Variants in DOK5 observed in about 807,000 individuals in gnomAD.
DOK5 encodes the protein downstream of tyrosine kinase 5.
Under a neutral mutation model 43.3 loss-of-function variants are expected in DOK5, and 27 were observed. That is an observed-to-expected ratio of 0.62 (90% CI 0.46 to 0.86). DOK5 has a LOEUF of 0.86. DOK5 is among the 40% of genes least tolerant of loss of function. The pLI is 0.00. For missense variants in DOK5, 373 were observed against 392.9 expected (o/e 0.95, Z 0.43); for synonymous variants, 146 against 140.1 (o/e 1.04, Z -0.30).
intron 6 of DOK5, among the ~76,000 whole-genome samples, chr20:54,639,078 A>G (rs1318527594): frequency 6.6e-6 from 1 of 152,168 alleles, no homozygotes; most frequent in African/African-American, 2.4e-5. Context: ...AATTTTTTCT[A>G]AGAAAGGGAA....
intron 2 of DOK5, among the ~76,000 whole-genome samples, chr20:54,587,062 T>A (rs973001614): frequency 2.0e-5 from 3 of 151,790 alleles, no homozygotes; most frequent in Non-Finnish European, 4.4e-5. Context: ...AAAATGGAAG[T>A]GGAAAGATCA....
chr20:54,650,318 T>A, intron 7 of DOK5, 97 bp from the exon 8 acceptor site: 2 of 1,233,004 alleles, frequency 1.6e-6, no homozygotes, highest in Non-Finnish European at 2.3e-6. Context: ...CTTAAGTACA[T>A]TTACTTATTT....
chr20:54,585,983 G>T (rs1015992036), intron 2 of DOK5, among the ~76,000 whole-genome samples: 4 of 152,178 alleles, frequency 2.6e-5, no homozygotes, highest in African/African-American at 9.7e-5. Context: ...AATTAGCTGA[G>T]TGTGGTGGTG....
intron 1 of DOK5, among the ~76,000 whole-genome samples, chr20:54,498,992 G>A (rs960065407): frequency 1.3e-5 from 2 of 152,178 alleles, no homozygotes; most frequent in Non-Finnish European, 2.9e-5. Flanking sequence ...GTTCTGTACA[G>A]CACTATATGC....
At chr20:54,534,267 G>T (rs1983877850) in intron 1 of DOK5, among the ~76,000 whole-genome samples, 1 of 152,192 alleles carries the variant, frequency 6.6e-6, no homozygotes, top group Non-Finnish European at 1.5e-5. Flanking sequence ...GCTCACTGCA[G>T]CCTTGATCCC....
In DOK5 at chr20:54,553,464, G is replaced by A. The variant is rs796962915; in HGVS notation, c.67-1469G>A. ...CCGGCCTCGGCCTCCCAAAGTGCTG[G>A]GATTACAGGCGTGAGCCACCGCGCC... On this transcript the variant is annotated intron_variant, in intron 1 of 7. Transcript: ENST00000262593. Among the ~76,000 whole-genome samples, 97 of 151,898 alleles carry A rather than the reference G, an allele frequency of 6.4e-4. 2 individuals carry two copies. The highest frequency in any genetic ancestry group is 2.2e-3 in the African/African-American group (93 of 41,486).
At chr20:54,553,199 A>C (rs1414730405) in intron 1 of DOK5, among the ~76,000 whole-genome samples, 1 of 152,128 alleles carries the variant, frequency 6.6e-6, no homozygotes, top group African/African-American at 2.4e-5. Flanking sequence ...ATAGATTTCT[A>C]TTCTTTTTCT....
At chr20:54,551,093 C>T (rs1032814115) in intron 1 of DOK5, among the ~76,000 whole-genome samples, 4 of 152,174 alleles carry the variant, frequency 2.6e-5, no homozygotes, top group Non-Finnish European at 5.9e-5. Flanking sequence ...TTCAGCCAAT[C>T]TGATAGGTGT....
At chr20:54,616,950 C>T (rs564323788) in intron 6 of DOK5, among the ~76,000 whole-genome samples, 342 of 151,936 alleles carry the variant, frequency 2.3e-3, no homozygotes, top group Middle Eastern at 0.021. Flanking sequence ...CCACCACACC[C>T]GGCTAATTTT....
intron 1 of DOK5, 31 bp downstream of exon 1, chr20:54,476,043 C>T (rs766120081): frequency 1.9e-6 from 3 of 1,610,698 alleles, no homozygotes; most frequent in Non-Finnish European, 2.5e-6. Context: ...TGTTGCTGTT[C>T]GCCGGTTCGA....
At chr20:54,556,186 A>T (rs1393508745) in intron 2 of DOK5, among the ~76,000 whole-genome samples, 1 of 152,156 alleles carries the variant, frequency 6.6e-6, no homozygotes, top group Non-Finnish European at 1.5e-5. Flanking sequence ...TCTTCCATGC[A>T]TTTCATTTCC....
intron 1 of DOK5, among the ~76,000 whole-genome samples, chr20:54,500,788 C>T (rs1391609615): frequency 2.0e-5 from 3 of 151,952 alleles, no homozygotes; most frequent in African/African-American, 7.2e-5. Flanking sequence ...CTCGAACTCC[C>T]AACCTCAGGT....
intron 1 of DOK5, among the ~76,000 whole-genome samples, chr20:54,479,965 G>T (rs1306355190): frequency 2.0e-5 from 3 of 151,938 alleles, no homozygotes; most frequent in African/African-American, 7.3e-5. Flanking sequence ...GAATCCGGCT[G>T]TCACCTCACG....
chr20:54,501,283 C>T lies in DOK5; in HGVS notation c.66+25271C>T, dbSNP rs527644460. 2.8e-4 allele frequency among the ~76,000 whole-genome samples: 42 copies of T among 151,594 alleles called. No homozygotes were observed. In the South Asian group the frequency reaches 6.7e-3, roughly 24 times the overall value. ...GAGATCGAGACTATCCTGGCTAACA[C>T]GATGAAACCCCATCTCTACTAAAAA... On this transcript the variant is annotated intron_variant, in intron 1 of 7. Coordinates refer to ENST00000262593, the MANE Select transcript of DOK5 (RefSeq NM_018431.5).
At chr20:54,606,557 G>C (rs947519720) in intron 5 of DOK5, among the ~76,000 whole-genome samples, 2 of 152,220 alleles carry the variant, frequency 1.3e-5, no homozygotes, top group Non-Finnish European at 2.9e-5. Flanking sequence ...TAGCCTGTTT[G>C]ATGTGCCTTT....
intron 1 of DOK5, among the ~76,000 whole-genome samples, chr20:54,552,306 A>G (rs977227243): frequency 6.6e-6 from 1 of 152,150 alleles, no homozygotes; most frequent in Non-Finnish European, 1.5e-5. Context: ...CCTCCCCACA[A>G]TAACATATTA....
chr20:54,570,391 G>A (rs1367211522), intron 2 of DOK5, among the ~76,000 whole-genome samples: 2 of 152,144 alleles, frequency 1.3e-5, no homozygotes, highest in Non-Finnish European at 2.9e-5. Flanking sequence ...ATAATGGTAG[G>A]ATAATTAAAT....
intron 1 of DOK5, 66 bp from the exon 2 acceptor site, chr20:54,554,867 G>T (rs1339874616): frequency 1.3e-5 from 13 of 1,017,370 alleles, no homozygotes; most frequent in Non-Finnish European, 2.0e-5. Flanking sequence ...ACATCAAAAA[G>T]AAAACATTTA....
intron 1 of DOK5, among the ~76,000 whole-genome samples, chr20:54,534,824 T>C (rs1983900239): frequency 9.7e-6 from 1 of 103,126 alleles, no homozygotes; most frequent in Admixed American, 9.8e-5. Context: ...AGCATGTTTC[T>C]TTCTTTCTTT....
Sources: allele counts gnomAD v4.1 joint callset (sites outside exome capture counted in the v4.1 genomes callset), GRCh38; gene constraint gnomAD v4.1.1; transcripts MANE v1.5; gene names NCBI Gene and HGNC (gene_info 2026-07-23, HGNC 2026-07-21).